DDHD2: variants seen among roughly 807,000 people sequenced by gnomAD.
The protein encoded by DDHD2 is triacylglycerol hydrolase DDHD2.
DDHD2 carries 62 observed loss-of-function variants against 91.2 expected under a neutral mutation model. The observed-to-expected ratio is 0.68, with a 90% confidence interval of 0.55 to 0.84. DDHD2 has a LOEUF of 0.84. Ranked by LOEUF, DDHD2 falls within the 40% of genes least tolerant of loss-of-function variation. The probability of loss-of-function intolerance (pLI) is 0.00; values close to 1 mark genes in which losing one functional copy is unlikely to be tolerated. For missense variants in DDHD2, 740 were observed against 846.9 expected (o/e 0.87, Z 1.57); for synonymous variants, 271 against 293.9 (o/e 0.92, Z 0.80).
rs1192618374 is a variant in DDHD2 at position 38,238,174 on chromosome 8, G to C, written c.587G>C (p.Arg196Thr). Residue 196 changes from arginine to threonine, a missense_variant, in exon 5 of 18, where the codon AGA becomes ACA. Around this residue, in one of 2 missense-constraint regions of DDHD2, gnomAD observed 693 missense variants for 764.2 expected, o/e 0.91. Transcript: ENST00000397166. The stretch of plus-strand genomic sequence containing the variant: ...CAGGGTCGACCAAGAACTGTGAAGA[G>C]AGGAGTTGAGAACATCTCTGTTGAC... The part of the protein sequence containing the change: ...TEQGRPRTVK[R>T]GVENISVDIH... 1 of 1,614,092 alleles carries C rather than the reference G, an allele frequency of 6.2e-7. No homozygotes were observed. Among genetic ancestry groups the C allele is most frequent in the Non-Finnish European group, 8.5e-7 (1 of 1,179,956 alleles).
At chr8:38,241,551 G>T (rs1054770787) in intron 6 of DDHD2, among the ~76,000 whole-genome samples, 4 of 151,818 alleles carry the variant, frequency 2.6e-5, no homozygotes, top group Admixed American at 6.6e-5. Context: ...CTCCTGAGTA[G>T]CTGGGATTAC....
intron 16 of DDHD2, chr8:38,255,289 G>A (rs767374422): frequency 3.5e-5 from 16 of 456,232 alleles, no homozygotes; most frequent in Middle Eastern, 3.4e-4. Context: ...AATCACTATC[G>A]TTTGTATATA....
In DDHD2 at chr8:38,247,706, T is replaced by C. The variant is rs960242745; in HGVS notation, c.1126-7T>C. On this transcript the variant is annotated splice_polypyrimidine_tract_variant and splice_region_variant and intron_variant, in intron 9 of 17. Coordinates refer to ENST00000397166, the MANE Select transcript of DDHD2 (RefSeq NM_015214.3). ...CAAGAATATGAGCTTTATAATTTAA[T>C]TTTTAGGATTCGCTAAATATTGTAA... 6.7e-7 allele frequency: 1 copy of C among 1,483,260 alleles called. No individual in the cohort carries two copies. The highest frequency in any genetic ancestry group is 9.0e-7 in the Non-Finnish European group (1 of 1,106,760). 91.9% of individuals were successfully genotyped at this position (1,483,260 alleles called of 1,614,324 possible). A position where few individuals can be genotyped will look rare whatever the true frequency, so the allele number is the denominator to read the frequency against.
intron 1 of DDHD2, chr8:38,268,513 T>TG: frequency 6.5e-7 from 1 of 1,544,050 alleles, no homozygotes; most frequent in South Asian, 1.2e-5. Flanking sequence ...GCCACACTCG[T>TG]GCTCCTACAG....
At chr8:38,253,886 C>T (rs1806306146) in intron 16 of DDHD2, among the ~76,000 whole-genome samples, 168 bp downstream of exon 16, 1 of 151,966 alleles carries the variant, frequency 6.6e-6, no homozygotes, top group East Asian at 1.9e-4. Context: ...TTGAGACCGG[C>T]CTGGGAAACA....
At position 38,249,693 on chromosome 8, in the gene DDHD2, A is replaced by G. The variant is rs1240053942; in HGVS notation, c.1249-15A>G. On this transcript the variant is annotated splice_polypyrimidine_tract_variant and intron_variant, in intron 10 of 17. Coordinates refer to ENST00000397166, the MANE Select transcript of DDHD2 (RefSeq NM_015214.3). ...TTTGTCTAGAAATAAGAAAGACTTGATTTTCTATGCCTAGGCTTTATGTAC... is the reference window on the plus strand; with the variant it reads ...TTTGTCTAGAAATAAGAAAGACTTGGTTTTCTATGCCTAGGCTTTATGTAC... The G allele has an allele frequency of 6.3e-7, 1 of 1,581,320 alleles. No individual in the cohort carries two copies. Among genetic ancestry groups the G allele is most frequent in the Non-Finnish European group, 8.6e-7 (1 of 1,156,798 alleles).
chr8:38,266,957 C>CAA (rs1299369484), downstream of DDHD2: 12 of 997,232 alleles, frequency 1.2e-5, no homozygotes, highest in Admixed American at 7.5e-5. Flanking sequence ...GAAAATGCTT[C>CAA]AAAGTACCTG....
rs1465639192 is a variant in DDHD2, at chr8:38,261,361, C to A, written c.*788C>A. Reference sequence around the variant, plus strand: ...GATAGAAGTTATTTGCTAATAGCTTCTATTCTTACGTTGAAAATAGTTGTA... The same window carrying A: ...GATAGAAGTTATTTGCTAATAGCTTATATTCTTACGTTGAAAATAGTTGTA... On this transcript the variant is annotated 3_prime_UTR_variant, in exon 18 of 18. Coordinates refer to ENST00000397166, the MANE Select transcript of DDHD2 (RefSeq NM_015214.3). 2.6e-5 allele frequency: 4 copies of A among 152,100 alleles called. No homozygotes were observed. The highest frequency in any genetic ancestry group is 9.7e-5 in the African/African-American group (4 of 41,364). 9.4% of individuals were successfully genotyped at this position (152,100 alleles called of 1,614,324 possible).
At chr8:38,269,785 A>G (rs1009020859) in intron 1 of DDHD2, 2 of 152,302 alleles carry the variant, frequency 1.3e-5, no homozygotes, top group Admixed American at 6.5e-5. Context: ...AACCTTTCCA[A>G]ATTAATCCTC....
At chr8:38,239,547 T>G (rs1805077296) in intron 5 of DDHD2, among the ~76,000 whole-genome samples, 1 of 148,036 alleles carries the variant, frequency 6.8e-6, no homozygotes, top group African/African-American at 2.5e-5. Context: ...ATTAGCCAGG[T>G]GTGGTGGCGT....
downstream of DDHD2, chr8:38,267,116 G>C: frequency 6.6e-7 from 1 of 1,508,736 alleles, no homozygotes. Context: ...TCAAGGCTCA[G>C]ACTTGTTAAA....
At chr8:38,254,924 G>A (rs1806393211) in intron 16 of DDHD2, among the ~76,000 whole-genome samples, 1 of 151,750 alleles carries the variant, frequency 6.6e-6, no homozygotes, top group Non-Finnish European at 1.5e-5. Context: ...ATTAATCCCT[G>A]AAGAAGTTGA....
chr8:38,257,210 G>A (rs1388050443), intron 16 of DDHD2, among the ~76,000 whole-genome samples: 1 of 148,814 alleles, frequency 6.7e-6, no homozygotes, highest in Non-Finnish European at 1.5e-5. Flanking sequence ...TGGGATTACA[G>A]GTGTAAGCCA....
intron 3 of DDHD2, among the ~76,000 whole-genome samples, chr8:38,237,150 C>G (rs1804845503): frequency 1.3e-5 from 2 of 152,014 alleles, no homozygotes; most frequent in South Asian, 2.1e-4. Context: ...CCGAGGCAGG[C>G]AGATCACCTG....
intron 9 of DDHD2, 116 bp from the exon 10 acceptor site, chr8:38,247,597 A>C (rs535939757): frequency 6.6e-6 from 4 of 609,592 alleles, no homozygotes; most frequent in Non-Finnish European, 1.0e-5. Context: ...ATAAATGACA[A>C]TTTGTTAAAG....
At chr8:38,247,006 C>T (rs2130818225) in intron 9 of DDHD2, 1 of 152,284 alleles carries the variant, frequency 6.6e-6, no homozygotes, top group African/African-American at 2.4e-5. Context: ...AGTAAAAATT[C>T]CTATAACCAT....
chr8:38,232,591 A>G (rs942291095), intron 1 of DDHD2, among the ~76,000 whole-genome samples: 2 of 152,262 alleles, frequency 1.3e-5, no homozygotes, highest in African/African-American at 4.8e-5. Context: ...TGGCGTTACT[A>G]GGACAGGGCA....
At chr8:38,235,735 A>C (rs1364979977) in intron 3 of DDHD2, among the ~76,000 whole-genome samples, 1 of 151,192 alleles carries the variant, frequency 6.6e-6, no homozygotes, top group East Asian at 2.0e-4. Flanking sequence ...AAAAAAAAAA[A>C]ACTGGTGGGC....
At chr8:38,268,290 C>T in intron 1 of DDHD2, 1 of 1,312,438 alleles carries the variant, frequency 7.6e-7, no homozygotes, top group Non-Finnish European at 1.1e-6. Flanking sequence ...GGCCTCCACA[C>T]AGGCTCACCG....
Sources: gnomAD v4.1 joint callset for allele counts (sites outside exome capture counted in the v4.1 genomes callset) on GRCh38, gnomAD v4.1.1 for gene constraint, gnomAD v4.1.1 regional missense constraint, MANE v1.5 for transcripts, NCBI Gene and HGNC (gene_info 2026-07-23, HGNC 2026-07-21) for gene names.